The following DOCK7 variants were observed in gnomAD, a reference collection of about 807,000 sequenced individuals.
DOCK7 encodes dedicator of cytokinesis protein 7.
Under a neutral mutation model 271.0 loss-of-function variants are expected in DOCK7, and 138 were observed. That is an observed-to-expected ratio of 0.51 (90% confidence interval 0.44 to 0.59). The LOEUF is 0.59. Among genes scored for constraint, DOCK7 ranks in the 20% least tolerant of loss-of-function variants. The pLI is 0.00. For synonymous variants in DOCK7, 823 were observed against 876.1 expected (o/e 0.94, Z 1.07); for missense variants, 2,066 against 2,592.4 (o/e 0.80, Z 4.41).
In DOCK7 at chr1:62,475,920, C is replaced by T. The variant is rs1203376038; in HGVS notation, c.5748G>A (p.Val1916=). The change falls in exon 46 of 50, where the codon GTG becomes GTA. Residue 1916 remains valine (V), a synonymous_variant. Coordinates refer to ENST00000635253, the MANE Select transcript of DOCK7 (RefSeq NM_001367561.1). ...TCTCATATGTGTCAAAGTATGGCTC[C>T]ACATAGGTAATCTGAATATATGCCT... ...PNKAYIQITY[V]EPYFDTYEMK... 6.2e-7 allele frequency: 1 copy of T among 1,613,688 alleles called. No homozygotes were observed. The highest frequency in any genetic ancestry group is 8.5e-7 in the Non-Finnish European group (1 of 1,179,896).
At chr1:62,578,356 C>A (rs1440152019) in intron 17 of DOCK7, among the ~76,000 whole-genome samples, 1 of 152,108 alleles carries the variant, frequency 6.6e-6, no homozygotes, top group Non-Finnish European at 1.5e-5. Context: ...TGGGCATTTT[C>A]TTGTTATAAT....
intron 18 of DOCK7, among the ~76,000 whole-genome samples, chr1:62,572,338 A>C (rs1034605441): frequency 6.6e-6 from 1 of 152,234 alleles, no homozygotes; most frequent in Non-Finnish European, 1.5e-5. Context: ...GCACTTTCCA[A>C]GTGCCTGGCA....
chr1:62,476,508 A>C (rs1645971931), intron 44 of DOCK7, among the ~76,000 whole-genome samples: 1 of 152,192 alleles, frequency 6.6e-6, no homozygotes, highest in African/African-American at 2.4e-5. Context: ...TTGATGTATA[A>C]AAATCTTAGT....
chr1:62,608,756 T>C (rs1047889969), intron 14 of DOCK7: 8 of 152,162 alleles, frequency 5.3e-5, no homozygotes, highest in Non-Finnish European at 7.3e-5. Context: ...TAATCTAGTG[T>C]AGTATAATCT....
intron 46 of DOCK7, 55 bp from the exon 47 acceptor site, chr1:62,475,406 A>T: frequency 6.5e-7 from 1 of 1,544,880 alleles, no homozygotes; most frequent in East Asian, 2.3e-5. Flanking sequence ...TATTTAATGA[A>T]CTTTATGTAT....
At chr1:62,553,160 G>A (rs562647262) in intron 21 of DOCK7, among the ~76,000 whole-genome samples, 70 of 145,060 alleles carry the variant, frequency 4.8e-4, no homozygotes, top group South Asian at 3.1e-3. Flanking sequence ...TCAGCCTCCC[G>A]AGTAGCTGGG....
intron 4 of DOCK7, among the ~76,000 whole-genome samples, chr1:62,652,299 T>C (rs1179194441): frequency 1.3e-5 from 2 of 152,120 alleles, no homozygotes; most frequent in Non-Finnish European, 2.9e-5. Flanking sequence ...ACACCTATCT[T>C]CTTTGTTTCA....
chr1:62,628,878 T>A (rs974735291), intron 11 of DOCK7: 4 of 152,158 alleles, frequency 2.6e-5, no homozygotes, highest in Admixed American at 2.0e-4. Context: ...AGGCATCAAC[T>A]ATTAATAAAT....
chr1:62,551,957 G>C (rs772786627), intron 22 of DOCK7, among the ~76,000 whole-genome samples: 3 of 151,788 alleles, frequency 2.0e-5, no homozygotes, highest in Non-Finnish European at 4.4e-5. Context: ...TGCTAAATGA[G>C]TCTTAATGTA....
At chr1:62,487,213 C>T (rs1440083704) in intron 43 of DOCK7, 185 bp downstream of exon 43, 4 of 537,770 alleles carry the variant, frequency 7.4e-6, no homozygotes, top group African/African-American at 5.7e-5. Context: ...TGCCTACGAC[C>T]TCATAATAAG....
intron 12 of DOCK7, among the ~76,000 whole-genome samples, chr1:62,624,244 G>A (rs1004483813): frequency 1.3e-5 from 2 of 151,950 alleles, no homozygotes; most frequent in Non-Finnish European, 2.9e-5. Flanking sequence ...GGGGGAGGGG[G>A]GGAACGACTC....
Position 62,542,618 on chromosome 1 carries a change from A to G in DOCK7, c.3035T>C (p.Phe1012Ser), listed in dbSNP as rs746210588. 2 of 1,611,838 alleles carry G rather than the reference A, an allele frequency of 1.2e-6. No homozygotes were observed. Among genetic ancestry groups the G allele is most frequent in the Non-Finnish European group, 1.7e-6 (2 of 1,178,822 alleles). ...TCAGTTTTTGCTCACCATTAATTCA[A>G]AAAAGAACCAGGCTTGTTGCAAAGC... ...ESALQQAWFF[F>S]ELMVKSMVHH... The change falls in exon 25 of 50, where the codon TTT becomes TCT. Residue 1012 changes from phenylalanine to serine, a missense_variant. Physicochemically the swap from Phe to Ser is radical, Grantham distance 155 (BLOSUM62 -2). Around this residue, in one of 2 missense-constraint regions of DOCK7, gnomAD observed 1,414 missense variants for 1,670.4 expected, o/e 0.85. Transcript: ENST00000635253.
intron 37 of DOCK7, among the ~76,000 whole-genome samples, chr1:62,503,371 TAAAG>T (rs1646841875): frequency 6.6e-6 from 1 of 151,636 alleles, no homozygotes; most frequent in Non-Finnish European, 1.5e-5. Context: ...AGATCCACAG[TAAAG>T]AAAGGGAGAA....
intron 14 of DOCK7, chr1:62,601,931 T>A: frequency 8.5e-7 from 1 of 1,172,256 alleles, no homozygotes; most frequent in Non-Finnish European, 1.3e-6. Context: ...AACTTACTCA[T>A]TACGTATTAG....
intron 14 of DOCK7, chr1:62,605,423 T>C (rs527305187): frequency 3.7e-4 from 57 of 153,198 alleles, no homozygotes; most frequent in African/African-American, 1.3e-3. Flanking sequence ...TTAAATACTG[T>C]ATTAAAATAA....
chr1:62,625,710 A>G (rs376963754), intron 11 of DOCK7, among the ~76,000 whole-genome samples: 4 of 152,346 alleles, frequency 2.6e-5, no homozygotes, highest in African/African-American at 9.6e-5. Context: ...TTACCACAGG[A>G]AAATTTTAGT....
intron 29 of DOCK7, among the ~76,000 whole-genome samples, chr1:62,534,048 G>A (rs992148977): frequency 6.6e-6 from 1 of 151,810 alleles, no homozygotes; most frequent in Non-Finnish European, 1.5e-5. Context: ...ACCCAGGATG[G>A]AGTGCAGTGG....
chr1:62,544,819 T>C (rs1645648597), intron 23 of DOCK7, 128 bp downstream of exon 23: 3 of 670,478 alleles, frequency 4.5e-6, no homozygotes, highest in Non-Finnish European at 7.3e-6. Context: ...ATGTGCTAAG[T>C]AAACAAAAAT....
Position 62,663,326 on chromosome 1 carries a change from G to A in DOCK7, c.39-196C>T, listed in dbSNP as rs549201852. Reference sequence around the variant, plus strand: ...TTATAATTACATTACAACGTCTTATGTTGATGTAGGGTACAAGACTGACAG... The same window carrying A: ...TTATAATTACATTACAACGTCTTATATTGATGTAGGGTACAAGACTGACAG... On this transcript the variant is annotated intron_variant, in intron 1 of 49. Coordinates refer to ENST00000635253, the MANE Select transcript of DOCK7 (RefSeq NM_001367561.1). 1.2e-3 allele frequency among the ~76,000 whole-genome samples: 186 copies of A among 152,228 alleles called. 1 individual carries two copies. The highest frequency in any genetic ancestry group is 3.7e-3 in the African/African-American group (154 of 41,558).
Sources: gnomAD v4.1 joint callset for allele counts (sites outside exome capture counted in the v4.1 genomes callset) on GRCh38, gnomAD v4.1.1 for gene constraint, gnomAD v4.1.1 regional missense constraint, MANE v1.5 for transcripts, NCBI Gene and HGNC (gene_info 2026-07-23, HGNC 2026-07-21) for gene names.